Variants in ZNF75A observed in about 807,000 individuals in gnomAD.
The protein encoded by ZNF75A is zinc finger protein 75A.
ZNF75A carries 36 observed loss-of-function variants against 46.3 expected under a neutral mutation model. That is an observed-to-expected ratio of 0.78 (90% CI 0.60 to 1.03). The LOEUF is 1.03. ZNF75A is among the 50% of genes least tolerant of loss of function. The probability of loss-of-function intolerance (pLI) is 0.00; values close to 1 mark genes in which losing one functional copy is unlikely to be tolerated. For synonymous variants in ZNF75A, 234 were observed against 189.9 expected (o/e 1.23, Z -1.91); for missense variants, 595 against 551.3 (o/e 1.08, Z -0.79).
intron 2 of ZNF75A, among the ~76,000 whole-genome samples, chr16:3,309,930 GAA>G (rs113640369): frequency 1.4e-5 from 2 of 140,522 alleles, no homozygotes; most frequent in Non-Finnish European, 3.1e-5. Context: ...TTGTTGCTAT[GAA>G]AAAAAAAAAG....
rs370171484 is a variant in ZNF75A, at chr16:3,316,913, A to G, written c.825A>G (p.Ala275=). The part of the protein sequence containing the change: ...QENYETVISL[A]LFVLPKPKVI... ...GACCTCATTTTGTCCATTTGACAGC[A>G]TTGTTTGTGCTCCCCAAACCTAAAG... Residue 275 remains alanine, a splice_region_variant and synonymous_variant, in exon 6 of 7, where the codon GCA becomes GCG. Coordinates refer to ENST00000669516, the MANE Select transcript of ZNF75A (RefSeq NM_001302109.2). 1.1e-5 allele frequency: 17 copies of G among 1,609,082 alleles called. No homozygotes were observed. In the African/African-American group the frequency reaches 1.1e-4, roughly 10 times the overall value.
Position 3,313,152 on chromosome 16 carries a change from A to T in ZNF75A, c.800A>T (p.Asn267Ile). 1 of 1,614,026 alleles carries T rather than the reference A, an allele frequency of 6.2e-7. No homozygotes were observed. The highest frequency in any genetic ancestry group is 8.5e-7 in the Non-Finnish European group (1 of 1,179,960). ...KALYNDVMQE[N>I]YETVISLALF... ...CTCTACAATGATGTAATGCAGGAAA[A>T]CTATGAGACTGTCATCTCTCTAGGT... The change falls in exon 5 of 7, where the codon AAC (asparagine) becomes ATC (isoleucine). Residue 267 changes from asparagine to isoleucine, a missense_variant. Transcript: ENST00000669516.
At position 3,306,030 on chromosome 16, in the gene ZNF75A, G is replaced by T. The variant is rs919343348; in HGVS notation, c.-117+387G>T. 4 of 152,216 alleles carry T rather than the reference G, an allele frequency of 2.6e-5. No individual in the cohort carries two copies. The South Asian group carries it at 8.3e-4, about 31-fold the overall frequency. 9.4% of individuals were successfully genotyped at this position (152,216 alleles called of 1,614,324 possible). ...TGCGGTCGGTTGAGCCTCAGGGCTA[G>T]CAGCTTCTACTGATGCAAAAACATA... On this transcript the variant is annotated intron_variant, in intron 1 of 6. Coordinates refer to ENST00000669516, the MANE Select transcript of ZNF75A (RefSeq NM_001302109.2).
intron 2 of ZNF75A, chr16:3,311,048 T>C: frequency 1.5e-6 from 1 of 681,902 alleles, no homozygotes; most frequent in Non-Finnish European, 1.8e-6. Flanking sequence ...ACTTTTAAAT[T>C]CATTTATTTG....
rs181814102 is a variant in ZNF75A at position 3,317,166 on chromosome 16, G to A, written c.935-24G>A. The A allele has an allele frequency of 7.4e-5, 118 of 1,584,240 alleles. 1 individual carries two copies. The highest frequency in any genetic ancestry group is 6.6e-4 in the Admixed American group (36 of 54,866). On this transcript the variant is annotated intron_variant, in intron 6 of 6. Coordinates refer to ENST00000669516, the MANE Select transcript of ZNF75A (RefSeq NM_001302109.2). ...GATTTGCTTGTTCTGGGATACAGAT[G>A]TGTGATTATGTTTATTCCAACAGGG...
intron 5 of ZNF75A, 74 bp from the exon 6 acceptor site, chr16:3,316,838 G>A: frequency 9.9e-7 from 1 of 1,011,734 alleles, no homozygotes; most frequent in Middle Eastern, 2.1e-4. Flanking sequence ...TGGTCATCCT[G>A]AAACAGTCTG....
chr16:3,314,362 G>GAC (rs1961038432), intron 5 of ZNF75A, among the ~76,000 whole-genome samples: 2 of 152,178 alleles, frequency 1.3e-5, no homozygotes, highest in African/African-American at 4.8e-5. Flanking sequence ...CCAAAGACTG[G>GAC]ACAGTGGCAC....
intron 5 of ZNF75A, chr16:3,314,678 CAG>C: frequency 1.0e-6 from 1 of 985,296 alleles, no homozygotes; most frequent in South Asian, 4.7e-5. Flanking sequence ...GCCTACCATG[CAG>C]TTCATACGCA....
intron 5 of ZNF75A, among the ~76,000 whole-genome samples, chr16:3,314,385 T>G (rs1241669386): frequency 3.3e-5 from 5 of 152,224 alleles, no homozygotes; most frequent in African/African-American, 4.8e-5. Context: ...GAGCTCCTCT[T>G]GCCTCAGTCC....
At chr16:3,308,895 G>A in intron 2 of ZNF75A, 59 bp downstream of exon 2, 1 of 961,590 alleles carries the variant, frequency 1.0e-6, no homozygotes, top group Non-Finnish European at 1.2e-6. Flanking sequence ...ATATAGTAGA[G>A]ATGGTGGCAG....
At chr16:3,320,501 T>G (rs1292439466), downstream of ZNF75A, among the ~76,000 whole-genome samples, 1 of 152,158 alleles carries the variant, frequency 6.6e-6, no homozygotes, top group Non-Finnish European at 1.5e-5. Flanking sequence ...GCAACACTAA[T>G]GGGACCACTT....
chr16:3,322,924 T>G (rs1463031237), downstream of ZNF75A: 4 of 985,120 alleles, frequency 4.1e-6, no homozygotes, highest in Non-Finnish European at 4.8e-6. Flanking sequence ...GGATAGAAGA[T>G]TCAACAAAGC....
At position 3,318,338 on chromosome 16, in the gene ZNF75A, G is replaced by T; in HGVS notation, c.*469G>T. The T allele has an allele frequency of 1.0e-6, 1 of 987,974 alleles. No individual in the cohort carries two copies. Among genetic ancestry groups the T allele is most frequent in the Non-Finnish European group, 1.2e-6 (1 of 831,790 alleles). The allele number at this position is 987,974 out of a possible 1,614,324, so 61.2% of individuals were successfully genotyped here. A position where few individuals can be genotyped will look rare whatever the true frequency, so the allele number is the denominator to read the frequency against. On this transcript the variant is annotated 3_prime_UTR_variant, in exon 7 of 7. Coordinates refer to ENST00000669516, the MANE Select transcript of ZNF75A (RefSeq NM_001302109.2). ...ACTTGAGTTCCTTCTTAAACTTTTC[G>T]GCAACTTCTCTTGGATCCTGTTATC...
chr16:3,312,988 G>A, intron 4 of ZNF75A, 61 bp from the exon 5 acceptor site: 1 of 1,532,296 alleles, frequency 6.5e-7, no homozygotes, highest in Non-Finnish European at 8.7e-7. Context: ...TTCATAGCCA[G>A]GTGGCTAGGC....
chr16:3,314,284 C>T (rs1017939692), intron 5 of ZNF75A, among the ~76,000 whole-genome samples: 1 of 152,126 alleles, frequency 6.6e-6, no homozygotes, highest in Admixed American at 6.5e-5. Context: ...GAGAAATATC[C>T]TCTGGCTCTT....
chr16:3,322,843 C>T (rs1457239871), downstream of ZNF75A: 15 of 938,778 alleles, frequency 1.6e-5, no homozygotes, highest in South Asian at 2.5e-4. Context: ...TGGGCTTGGT[C>T]GACTGCTCCC....
intron 1 of ZNF75A, chr16:3,306,159 G>C (rs141090851): frequency 1.3e-3 from 192 of 152,236 alleles, no homozygotes; most frequent in African/African-American, 4.5e-3. Context: ...CGTTTCTGCT[G>C]GCTCACTTCA....
downstream of ZNF75A, among the ~76,000 whole-genome samples, chr16:3,319,790 T>A (rs938418250): frequency 2.7e-4 from 31 of 115,432 alleles, no homozygotes; most frequent in South Asian, 1.3e-3. Flanking sequence ...TTCATTTTTT[T>A]TTTTTTATTT....
downstream of ZNF75A, among the ~76,000 whole-genome samples, chr16:3,319,632 A>G (rs1375434840): frequency 1.3e-5 from 2 of 152,222 alleles, no homozygotes; most frequent in Non-Finnish European, 2.9e-5. Context: ...AGGAGTGGCC[A>G]AGAGACAAAA....
Sources: gnomAD v4.1 joint callset for allele counts (sites outside exome capture counted in the v4.1 genomes callset) on GRCh38, gnomAD v4.1.1 for gene constraint, MANE v1.5 for transcripts, NCBI Gene and HGNC (gene_info 2026-07-23, HGNC 2026-07-21) for gene names.